Variants in LRFN2 observed in about 807,000 individuals in gnomAD.
LRFN2 encodes the protein leucine rich repeat and fibronectin type III domain containing 2, also known as leucine-rich repeat and fibronectin type-III domain-containing protein 2.
Under a neutral mutation model 37.3 loss-of-function variants are expected in LRFN2, and 18 were observed. The observed-to-expected ratio is 0.48, with a 90% confidence interval of 0.33 to 0.72. The LOEUF (loss-of-function observed/expected upper bound fraction) is 0.72, where lower values mean the gene tolerates loss of function less well. Among genes scored for constraint, LRFN2 ranks in the 30% least tolerant of loss-of-function variants. The pLI is 0.02. For synonymous variants in LRFN2, 556 were observed against 466.6 expected, an observed-to-expected ratio of 1.19 and a Z score of -2.47; for missense variants, 1,006 against 1,060.7, an observed-to-expected ratio of 0.95 and a Z score of 0.72.
chr6:40,512,967 G>A (rs768507420), intron 1 of LRFN2, among the ~76,000 whole-genome samples: 3 of 152,172 alleles, frequency 2.0e-5, no homozygotes, highest in Non-Finnish European at 4.4e-5. Flanking sequence ...CTCAGCCAAG[G>A]TGAGCCATGG....
At chr6:40,585,266 T>C (rs1420666261) in intron 1 of LRFN2, among the ~76,000 whole-genome samples, 1 of 151,968 alleles carries the variant, frequency 6.6e-6, no homozygotes, top group Non-Finnish European at 1.5e-5. Flanking sequence ...AAACTCTAAA[T>C]TGAGGGCTGG....
chr6:40,471,063 G>T (rs889132269), intron 1 of LRFN2, among the ~76,000 whole-genome samples: 1 of 152,160 alleles, frequency 6.6e-6, no homozygotes, highest in South Asian at 2.1e-4. Flanking sequence ...TGAGGGGCGT[G>T]GGGGGCAGTG....
chr6:40,565,329 A>G (rs1282149040), intron 1 of LRFN2, among the ~76,000 whole-genome samples: 2 of 152,194 alleles, frequency 1.3e-5, no homozygotes, highest in East Asian at 3.8e-4. Flanking sequence ...TTATAGATTC[A>G]ATGCCATCCC....
chr6:40,516,261 G>C (rs1314315949), intron 1 of LRFN2: 1 of 152,184 alleles, frequency 6.6e-6, no homozygotes, highest in Non-Finnish European at 1.5e-5. Context: ...ATTAAAGAAG[G>C]GACATGACCC....
chr6:40,430,408 T>A (rs1208996301), intron 2 of LRFN2, among the ~76,000 whole-genome samples: 2 of 152,264 alleles, frequency 1.3e-5, no homozygotes, highest in African/African-American at 4.8e-5. Context: ...TCTTGCACCA[T>A]GGGCCCTTTG....
intron 1 of LRFN2, among the ~76,000 whole-genome samples, chr6:40,483,797 G>A (rs1396078768): frequency 6.6e-6 from 1 of 152,100 alleles, no homozygotes; most frequent in African/African-American, 2.4e-5. Context: ...TCTCAGTTAG[G>A]CTTTGAGACA....
intron 1 of LRFN2, among the ~76,000 whole-genome samples, chr6:40,445,859 T>C (rs373454454): frequency 2.0e-5 from 3 of 152,316 alleles, no homozygotes; most frequent in Admixed American, 6.5e-5. Flanking sequence ...TCCTCACCTG[T>C]AAAATCGAAT....
Position 40,482,784 on chromosome 6 carries a change from T to C in LRFN2, c.-18-49653A>G, listed in dbSNP as rs370885843. On this transcript the variant is annotated intron_variant, in intron 1 of 2. Transcript: ENST00000338305. ...CCTCCCCCTCCTGGCCAGGCCAGCT[T>C]TCTTTGGGATGGCTCAGGCTGGAGT... Among the ~76,000 whole-genome samples the C allele has an allele frequency of 2.4e-3, 358 of 152,220 alleles. 2 individuals carry two copies. Among genetic ancestry groups the C allele is most frequent in the African/African-American group, 7.6e-3 (317 of 41,548 alleles).
chr6:40,578,145 C>T (rs940418849), intron 1 of LRFN2, among the ~76,000 whole-genome samples: 1 of 152,202 alleles, frequency 6.6e-6, no homozygotes, highest in Non-Finnish European at 1.5e-5. Flanking sequence ...TGTCCTGTGG[C>T]CTAACTCCCA....
intron 1 of LRFN2, among the ~76,000 whole-genome samples, chr6:40,485,432 G>A (rs1764931817): frequency 6.6e-6 from 1 of 152,144 alleles, no homozygotes; most frequent in Non-Finnish European, 1.5e-5. Flanking sequence ...TGCTTAATGT[G>A]GCAGTTAAAA....
intron 1 of LRFN2, among the ~76,000 whole-genome samples, chr6:40,536,054 A>G (rs1165793552): frequency 1.3e-5 from 2 of 152,200 alleles, no homozygotes; most frequent in East Asian, 1.9e-4. Flanking sequence ...GTTCATGGTC[A>G]ATGGCCAGCT....
intron 1 of LRFN2, among the ~76,000 whole-genome samples, chr6:40,453,618 T>C (rs370261428): frequency 1.3e-5 from 2 of 152,054 alleles, no homozygotes; most frequent in South Asian, 2.1e-4. Flanking sequence ...GATATCCAGA[T>C]TTTCTTTCCT....
intron 1 of LRFN2, among the ~76,000 whole-genome samples, chr6:40,482,655 C>T (rs963472085): frequency 6.6e-6 from 1 of 152,194 alleles, no homozygotes; most frequent in Non-Finnish European, 1.5e-5. Flanking sequence ...CTGAAGTCAG[C>T]GCTTAGCTCC....
chr6:40,525,358 C>T (rs1368621773), intron 1 of LRFN2, among the ~76,000 whole-genome samples: 1 of 152,212 alleles, frequency 6.6e-6, no homozygotes, highest in Non-Finnish European at 1.5e-5. Context: ...AAATGGTTTG[C>T]TTTCCCTATG....
intron 1 of LRFN2, among the ~76,000 whole-genome samples, chr6:40,463,469 C>T (rs1764390400): frequency 6.6e-6 from 1 of 152,060 alleles, no homozygotes; most frequent in Non-Finnish European, 1.5e-5. Flanking sequence ...TCTTTCCTGG[C>T]TCAAAAACTT....
chr6:40,495,685 T>C lies in LRFN2; in HGVS notation c.-18-62554A>G, dbSNP rs1581749451. Among the ~76,000 whole-genome samples the C allele has an allele frequency of 2.6e-5, 4 of 152,264 alleles. No homozygotes were observed. In the South Asian group the frequency reaches 8.3e-4, roughly 32 times the overall value. On this transcript the variant is annotated intron_variant, in intron 1 of 2. Coordinates refer to ENST00000338305, the MANE Select transcript of LRFN2 (RefSeq NM_020737.3). ...AGCTCTAATGTATGAGCTAGTCAGT[T>C]TACCCCCAAAAGCATGGGTTGTTCC...
At chr6:40,569,423 T>C (rs917378407) in intron 1 of LRFN2, among the ~76,000 whole-genome samples, 1 of 152,086 alleles carries the variant, frequency 6.6e-6, no homozygotes, top group Non-Finnish European at 1.5e-5. Context: ...CAACAGGGTG[T>C]GGACTAGAGA....
At chr6:40,551,616 T>G (rs766510013) in intron 1 of LRFN2, among the ~76,000 whole-genome samples, 1 of 152,198 alleles carries the variant, frequency 6.6e-6, no homozygotes, top group Non-Finnish European at 1.5e-5. Flanking sequence ...TAGATAGTGA[T>G]TGATAACTAT....
intron 2 of LRFN2, among the ~76,000 whole-genome samples, chr6:40,395,494 G>A (rs990825216): frequency 3.9e-5 from 6 of 152,154 alleles, no homozygotes; most frequent in African/African-American, 7.2e-5. Flanking sequence ...TGCTGGGCAG[G>A]GCCTGAGGAG....
Sources: gnomAD v4.1 joint callset for allele counts (sites outside exome capture counted in the v4.1 genomes callset) on GRCh38, gnomAD v4.1.1 for gene constraint, MANE v1.5 for transcripts, NCBI Gene and HGNC (gene_info 2026-07-23, HGNC 2026-07-21) for gene names.